The following ANK1 variants were observed in gnomAD, a reference collection of about 807,000 sequenced individuals.
ANK1 encodes the protein ankyrin 1, also known as ankyrin-1.
ANK1 carries 51 observed loss-of-function variants against 210.4 expected under a neutral mutation model. That is an observed-to-expected ratio of 0.24 (90% CI 0.19 to 0.31). The LOEUF is 0.31. Ranked by LOEUF, ANK1 falls within the 10% of genes least tolerant of loss-of-function variation. The pLI, the probability that ANK1 is intolerant of heterozygous loss-of-function variation, is 1.00. For synonymous variants in ANK1, 967 were observed against 1,025.9 expected (o/e 0.94, Z 1.10); for missense variants, 2,051 against 2,504.4 (o/e 0.82, Z 3.86).
intron 2 of ANK1, among the ~76,000 whole-genome samples, chr8:41,736,093 C>A (rs1833341202): frequency 6.6e-6 from 1 of 152,288 alleles, no homozygotes; most frequent in East Asian, 1.9e-4. Flanking sequence ...ATTCTTCTCA[C>A]CCGGTGTCAA....
rs1563328248 is a variant in ANK1, at chr8:41,661,419, G to A, written c.*36+11C>T. 1 of 1,613,708 alleles carries A rather than the reference G, an allele frequency of 6.2e-7. No homozygotes were observed. Among genetic ancestry groups the A allele is most frequent in the Admixed American group, 1.7e-5 (1 of 60,012 alleles). ...CAGGCCATGCAGAGGGGATGAGAAG[G>A]GCAGCGTTACCTCCCGAGAGGCTAC... On this transcript the variant is annotated intron_variant, in intron 42 of 42. Transcript: ENST00000289734.
rs762501642 is a variant in ANK1, at chr8:41,716,934, T to G, written c.1404+19A>C. Reference sequence around the variant, plus strand: ...CTGCTCACATCTGAAACCCTTCCCTTCCTGCCTTCACTACTCACCTTGGCC... The same window carrying G: ...CTGCTCACATCTGAAACCCTTCCCTGCCTGCCTTCACTACTCACCTTGGCC... On this transcript the variant is annotated intron_variant, in intron 13 of 42. Transcript: ENST00000289734. The G allele has an allele frequency of 4.3e-6, 7 of 1,612,094 alleles. No individual in the cohort carries two copies. In the African/African-American group the frequency reaches 8.0e-5, roughly 18 times the overall value.
intron 1 of ANK1, among the ~76,000 whole-genome samples, chr8:41,802,948 A>G (rs796407251): frequency 5.1e-3 from 158 of 31,088 alleles, no homozygotes; most frequent in African/African-American, 0.012. Context: ...GGAGAGAGAA[A>G]GGGGGGGGGG....
intron 1 of ANK1, among the ~76,000 whole-genome samples, chr8:41,831,441 A>G (rs1806588741): frequency 6.6e-6 from 1 of 152,162 alleles, no homozygotes; most frequent in Non-Finnish European, 1.5e-5. Context: ...TGAAGTCAAA[A>G]GTTCAAGACC....
chr8:41,793,950 T>G (rs879638), intron 1 of ANK1, among the ~76,000 whole-genome samples: 1,691 of 152,070 alleles, frequency 0.011, 33 homozygotes, highest in African/African-American at 0.039. Context: ...TGCAGAACTA[T>G]GTCAACAACC....
chr8:41,723,935 A>G (rs2150654150), intron 7 of ANK1, among the ~76,000 whole-genome samples: 1 of 151,368 alleles, frequency 6.6e-6, no homozygotes, highest in African/African-American at 2.4e-5. Context: ...GACTACAGGC[A>G]CGCGCCACCA....
intron 1 of ANK1, among the ~76,000 whole-genome samples, chr8:41,849,296 T>A (rs1810710872): frequency 6.6e-6 from 1 of 152,194 alleles, no homozygotes; most frequent in South Asian, 2.1e-4. Flanking sequence ...ATCAACCTCA[T>A]CCCATGGCAG....
chr8:41,794,994 G>A (rs954168750), intron 1 of ANK1, among the ~76,000 whole-genome samples: 2 of 152,086 alleles, frequency 1.3e-5, no homozygotes, highest in East Asian at 1.9e-4. Context: ...GTGAGCCACC[G>A]TGCCTGGCCG....
At chr8:41,725,399 C>G (rs1269874604) in intron 6 of ANK1, among the ~76,000 whole-genome samples, 2 of 152,222 alleles carry the variant, frequency 1.3e-5, no homozygotes, top group Non-Finnish European at 2.9e-5. Flanking sequence ...ACACCCCAGC[C>G]CCTGCACGCC....
At chr8:41,873,927 C>T (rs1359951834) in intron 1 of ANK1, among the ~76,000 whole-genome samples, 1 of 152,194 alleles carries the variant, frequency 6.6e-6, no homozygotes, top group Non-Finnish European at 1.5e-5. Flanking sequence ...CAAACAGACC[C>T]AGCCAAGCTC....
intron 20 of ANK1, among the ~76,000 whole-genome samples, chr8:41,703,575 C>A (rs1371872561): frequency 6.6e-6 from 1 of 150,600 alleles, no homozygotes; most frequent in African/African-American, 2.5e-5. Flanking sequence ...CCTTGACCTC[C>A]CGGACTCAGG....
chr8:41,794,319 T>G (rs1227071270), intron 1 of ANK1, among the ~76,000 whole-genome samples: 1 of 152,190 alleles, frequency 6.6e-6, no homozygotes, highest in Non-Finnish European at 1.5e-5. Context: ...GCCTCCCGGT[T>G]ATTCCCATGA....
Position 41,717,008 on chromosome 8 carries a change from G to T in ANK1, c.1349C>A (p.Thr450Lys). 6.2e-7 allele frequency: 1 copy of T among 1,614,218 alleles called. No homozygotes were observed. The change falls in exon 13 of 43, where the codon ACG becomes AAG. Residue 450 changes from threonine (T) to lysine (K), a missense_variant. Around this residue, in one of 6 missense-constraint regions of ANK1, gnomAD observed 1,413 missense variants for 1,707.4 expected, o/e 0.83. Coordinates refer to ENST00000289734, the MANE Select transcript of ANK1 (RefSeq NM_000037.4). ...CTGGAGTAAATATTTGGCCACTTCC[G>T]TGTGCCCGGCTCTGGCTGCCATGTG... The part of the protein sequence containing the change: ...PLHMAARAGH[T>K]EVAKYLLQNK...
At chr8:41,799,308 C>T (rs972283627), upstream of ANK1, among the ~76,000 whole-genome samples, 1 of 152,192 alleles carries the variant, frequency 6.6e-6, no homozygotes, top group Non-Finnish European at 1.5e-5. Flanking sequence ...CTGGGCCAGG[C>T]TCACTCATGA....
At chr8:41,658,651 G>A (rs564297465) in intron 42 of ANK1, among the ~76,000 whole-genome samples, 1 of 152,244 alleles carries the variant, frequency 6.6e-6, no homozygotes, top group South Asian at 2.1e-4. Flanking sequence ...CCAGCACTTT[G>A]GGAGGCTGAG....
chr8:41,777,988 C>T (rs1028757482), intron 1 of ANK1, among the ~76,000 whole-genome samples: 5 of 152,196 alleles, frequency 3.3e-5, no homozygotes, highest in African/African-American at 1.2e-4. Flanking sequence ...CCAATATCCA[C>T]ACCCGCCTCT....
intron 12 of ANK1, 54 bp downstream of exon 12, chr8:41,717,550 G>A: frequency 6.8e-7 from 1 of 1,463,624 alleles, no homozygotes; most frequent in Non-Finnish European, 9.4e-7. Flanking sequence ...GGTGAAAGCT[G>A]CCCTCTGAGC....
intron 1 of ANK1, among the ~76,000 whole-genome samples, chr8:41,856,880 T>A (rs1812269974): frequency 7.3e-6 from 1 of 137,862 alleles, no homozygotes; most frequent in African/African-American, 2.7e-5. Context: ...CCCTCTTTTT[T>A]TTTTTTTTTT....
intron 16 of ANK1, among the ~76,000 whole-genome samples, chr8:41,713,549 G>A (rs2150630639): frequency 6.6e-6 from 1 of 152,360 alleles, no homozygotes; most frequent in East Asian, 1.9e-4. Flanking sequence ...TCACATTCAG[G>A]TGAGCCTCCC....
Sources: allele counts gnomAD v4.1 joint callset (sites outside exome capture counted in the v4.1 genomes callset), GRCh38; gene constraint gnomAD v4.1.1; regional missense constraint gnomAD v4.1.1; transcripts MANE v1.5; gene names NCBI Gene and HGNC (gene_info 2026-07-23, HGNC 2026-07-21).